The following AGBL1 variants were observed in gnomAD, a reference collection of about 807,000 sequenced individuals.
The protein encoded by AGBL1 is cytosolic carboxypeptidase 4.
In AGBL1, 130 loss-of-function variants were observed where a neutral mutation model predicts 118.9. The ratio of observed to expected loss-of-function variants is 1.09; its 90% CI spans 0.95 to 1.26. The LOEUF is 1.26. Ranked by LOEUF, AGBL1 falls within the 50% of genes most tolerant of loss-of-function variation. The pLI is 0.00. For synonymous variants in AGBL1, 555 were observed against 478.9 expected (o/e 1.16, Z -2.08); for missense variants, 1,584 against 1,298.1 (o/e 1.22, Z -3.38).
intron 3 of AGBL1, among the ~76,000 whole-genome samples, chr15:86,147,979 C>T (rs2077054989): frequency 6.6e-6 from 1 of 152,212 alleles, no homozygotes; most frequent in Admixed American, 6.5e-5. Context: ...TGGTGATACC[C>T]AGGCAAACAA....
chr15:86,473,464 T>C (rs2082509001), intron 18 of AGBL1, among the ~76,000 whole-genome samples: 1 of 152,236 alleles, frequency 6.6e-6, no homozygotes, highest in African/African-American at 2.4e-5. Context: ...GCCTAGAGTT[T>C]TATTTCTGTC....
At chr15:86,160,658 A>G (rs902330981) in intron 5 of AGBL1, among the ~76,000 whole-genome samples, 1 of 152,192 alleles carries the variant, frequency 6.6e-6, no homozygotes, top group African/African-American at 2.4e-5. Context: ...CCTATTCACA[A>G]GGCTTCTTCT....
chr15:86,793,904 C>T (rs893162964), intron 22 of AGBL1, among the ~76,000 whole-genome samples: 6 of 152,106 alleles, frequency 3.9e-5, no homozygotes, highest in African/African-American at 9.7e-5. Flanking sequence ...AATGAGATAC[C>T]ACTGAATGCA....
chr15:86,359,777 T>C (rs145597719), intron 17 of AGBL1, among the ~76,000 whole-genome samples: 50 of 152,080 alleles, frequency 3.3e-4, no homozygotes, highest in African/African-American at 1.1e-3. Flanking sequence ...TTTAAGTCTT[T>C]GGTTAAATTT....
intron 22 of AGBL1, among the ~76,000 whole-genome samples, chr15:86,692,586 AACTT>A (rs1596375103): frequency 6.6e-6 from 1 of 152,118 alleles, no homozygotes; most frequent in South Asian, 2.1e-4. Context: ...ACTTCTTACT[AACTT>A]ACTAAATTCT....
At chr15:86,878,064 G>A (rs894180494) in intron 22 of AGBL1, among the ~76,000 whole-genome samples, 2 of 152,116 alleles carry the variant, frequency 1.3e-5, no homozygotes, top group South Asian at 2.1e-4. Flanking sequence ...CCTCCAAGAG[G>A]GACTGATTTC....
At chr15:86,880,174 A>G (rs1294171568) in intron 22 of AGBL1, among the ~76,000 whole-genome samples, 4 of 152,162 alleles carry the variant, frequency 2.6e-5, no homozygotes, top group African/African-American at 9.7e-5. Flanking sequence ...AGCTTGCTGA[A>G]TCTCAGCTTT....
At chr15:86,823,574 A>C (rs1378461617) in intron 22 of AGBL1, among the ~76,000 whole-genome samples, 2 of 152,210 alleles carry the variant, frequency 1.3e-5, no homozygotes, top group African/African-American at 4.8e-5. Flanking sequence ...TATAGACTAC[A>C]TGCAATAATA....
At chr15:86,536,457 C>T (rs969385102) in intron 19 of AGBL1, among the ~76,000 whole-genome samples, 6 of 152,112 alleles carry the variant, frequency 3.9e-5, no homozygotes, top group African/African-American at 7.2e-5. Context: ...ACTGCAGGCA[C>T]GTGCCACCAC....
At chr15:86,472,969 G>T (rs562210176) in intron 18 of AGBL1, among the ~76,000 whole-genome samples, 1 of 151,988 alleles carries the variant, frequency 6.6e-6, no homozygotes, top group Non-Finnish European at 1.5e-5. Flanking sequence ...CAGAATCAAA[G>T]TTTAATCACA....
At chr15:86,341,213 T>C (rs2080456834) in intron 17 of AGBL1, among the ~76,000 whole-genome samples, 1 of 152,170 alleles carries the variant, frequency 6.6e-6, no homozygotes, top group Admixed American at 6.5e-5. Flanking sequence ...CCTGGGTTTT[T>C]TGTGTGGTGT....
At chr15:86,663,421 A>G (rs1038208636) in intron 21 of AGBL1, among the ~76,000 whole-genome samples, 5 of 152,174 alleles carry the variant, frequency 3.3e-5, no homozygotes, top group South Asian at 2.1e-4. Context: ...GAGAGAAACC[A>G]TAGAGACCCA....
intron 16 of AGBL1, among the ~76,000 whole-genome samples, chr15:86,283,761 G>A (rs1049341942): frequency 1.3e-5 from 2 of 152,104 alleles, no homozygotes; most frequent in Admixed American, 6.6e-5. Context: ...TCTTGATGTT[G>A]AAGAGGCGAA....
At chr15:86,161,639 C>G (rs1360332484) in intron 5 of AGBL1, among the ~76,000 whole-genome samples, 2 of 152,144 alleles carry the variant, frequency 1.3e-5, no homozygotes, top group Non-Finnish European at 2.9e-5. Context: ...ACCCATGGAA[C>G]AATTTGCTTA....
At chr15:86,742,811 T>A (rs2141238880) in intron 22 of AGBL1, among the ~76,000 whole-genome samples, 1 of 152,302 alleles carries the variant, frequency 6.6e-6, no homozygotes, top group Non-Finnish European at 1.5e-5. Context: ...CTGCTCTCTC[T>A]GCTTTGGTCT....
chr15:86,764,237 G>C (rs905027909), intron 22 of AGBL1, among the ~76,000 whole-genome samples: 1 of 151,996 alleles, frequency 6.6e-6, no homozygotes, highest in Non-Finnish European at 1.5e-5. Context: ...GGAGATAAAG[G>C]AGAAAGAAGC....
chr15:86,265,950 G>C (rs553506397), intron 11 of AGBL1, among the ~76,000 whole-genome samples: 1 of 152,068 alleles, frequency 6.6e-6, no homozygotes, highest in African/African-American at 2.4e-5. Context: ...ATTGCACAAG[G>C]GTACACAGGC....
At chr15:86,719,797 T>C (rs1208526533) in intron 22 of AGBL1, among the ~76,000 whole-genome samples, 1 of 152,222 alleles carries the variant, frequency 6.6e-6, no homozygotes, top group Admixed American at 6.5e-5. Flanking sequence ...TCTTTCCAGG[T>C]ATTGATTTAT....
chr15:86,498,141 C>T (rs547412666), intron 18 of AGBL1, among the ~76,000 whole-genome samples: 1 of 151,760 alleles, frequency 6.6e-6, no homozygotes, highest in African/African-American at 2.4e-5. Context: ...TTAGAAATAT[C>T]CCAGGGAGAC....
Sources: gnomAD v4.1 joint callset for allele counts (sites outside exome capture counted in the v4.1 genomes callset) on GRCh38, gnomAD v4.1.1 for gene constraint, MANE v1.5 for transcripts, NCBI Gene and HGNC (gene_info 2026-07-23, HGNC 2026-07-21) for gene names.